Variants in AFF3 observed in about 807,000 individuals in gnomAD.
The protein encoded by AFF3 is ALF transcription elongation factor 3, also known as AF4/FMR2 family member 3.
A neutral mutation model predicts 129.7 loss-of-function variants in AFF3; 32 were observed. The ratio of observed to expected loss-of-function variants is 0.25; its 90% CI spans 0.19 to 0.33. The LOEUF (loss-of-function observed/expected upper bound fraction) is 0.33. Ranked by LOEUF, AFF3 falls within the 10% of genes least tolerant of loss-of-function variation. The pLI is 1.00. For missense variants in AFF3, 1,373 were observed against 1,592.0 expected (o/e 0.86, Z 2.34); for synonymous variants, 644 against 635.4 (o/e 1.01, Z -0.20).
chr2:99,750,532 C>G (rs1016140982), intron 9 of AFF3, among the ~76,000 whole-genome samples: 1 of 151,412 alleles, frequency 6.6e-6, no homozygotes, highest in Non-Finnish European at 1.5e-5. Context: ...CTCCTGCTAC[C>G]TCAGCGTCCC....
chr2:99,986,109 G>T (rs763760499), intron 7 of AFF3, among the ~76,000 whole-genome samples: 1 of 151,504 alleles, frequency 6.6e-6, no homozygotes, highest in Non-Finnish European at 1.5e-5. Context: ...GCTGAAGCAG[G>T]AGAATGGTGT....
intron 7 of AFF3, among the ~76,000 whole-genome samples, chr2:99,900,938 C>T (rs755757835): frequency 1.3e-5 from 2 of 152,224 alleles, no homozygotes; most frequent in African/African-American, 4.8e-5. Context: ...TCATTTTCCT[C>T]CTTCTCCTAA....
intron 7 of AFF3, among the ~76,000 whole-genome samples, chr2:99,988,751 G>A (rs1394995777): frequency 1.3e-5 from 2 of 152,154 alleles, no homozygotes; most frequent in Non-Finnish European, 2.9e-5. Flanking sequence ...ACTGGGTTCT[G>A]TAGAACACAT....
intron 7 of AFF3, among the ~76,000 whole-genome samples, chr2:100,002,643 G>T (rs975991597): frequency 2.0e-5 from 3 of 152,122 alleles, no homozygotes; most frequent in Non-Finnish European, 4.4e-5. Context: ...CCTTACCACT[G>T]ACTAAGCTAT....
At chr2:99,640,408 A>G (rs1306213121) in intron 13 of AFF3, among the ~76,000 whole-genome samples, 5 of 152,132 alleles carry the variant, frequency 3.3e-5, no homozygotes, top group African/African-American at 9.7e-5. Flanking sequence ...CGCCTCTTCT[A>G]TTCATCACCT....
chr2:99,997,487 G>A (rs1358483955), intron 7 of AFF3, among the ~76,000 whole-genome samples: 1 of 141,266 alleles, frequency 7.1e-6, no homozygotes, highest in African/African-American at 2.8e-5. Flanking sequence ...CCCCCCCCCA[G>A]ATTAGCACAA....
rs997983151 is a variant in AFF3, at chr2:99,791,098, C to T, written c.922-38797G>A. On this transcript the variant is annotated intron_variant, in intron 8 of 24. Coordinates refer to ENST00000672756, the MANE Select transcript of AFF3 (RefSeq NM_001386135.1). ...GGTGATGTTCTAGAACTGGCCATGC[C>T]GAACTAGGCTATACAGACCACAGGC... 2.0e-5 allele frequency among the ~76,000 whole-genome samples: 3 copies of T among 152,102 alleles called. No homozygotes were observed. The South Asian group carries it at 6.2e-4, about 31-fold the overall frequency.
intron 2 of AFF3, among the ~76,000 whole-genome samples, chr2:100,127,978 C>T (rs181606853): frequency 3.0e-4 from 45 of 152,234 alleles, no homozygotes; most frequent in African/African-American, 8.4e-4. Context: ...GTAAAGAAGC[C>T]GGCTAAATCC....
Position 99,684,062 on chromosome 2 carries a change from G to A in AFF3, c.1092-11473C>T, listed in dbSNP as rs559699773. Among the ~76,000 whole-genome samples the A allele has an allele frequency of 3.7e-4, 57 of 152,192 alleles. 1 individual carries two copies. Among genetic ancestry groups the A allele is most frequent in the African/African-American group, 1.1e-3 (45 of 41,516 alleles). ...CACAGTCCACTCTACAGGCTCTATC[G>A]GCATGGACTGTAGGGGGAGAATGAC... On this transcript the variant is annotated intron_variant, in intron 11 of 24. Coordinates refer to ENST00000672756, the MANE Select transcript of AFF3 (RefSeq NM_001386135.1).
intron 8 of AFF3, among the ~76,000 whole-genome samples, chr2:99,832,825 A>G (rs1688602148): frequency 6.6e-6 from 1 of 152,166 alleles, no homozygotes; most frequent in Non-Finnish European, 1.5e-5. Context: ...AATGGGATAT[A>G]TTAATGGCGC....
chr2:99,669,295 A>G (rs1289256666), intron 12 of AFF3, among the ~76,000 whole-genome samples: 1 of 152,160 alleles, frequency 6.6e-6, no homozygotes, highest in Admixed American at 6.5e-5. Flanking sequence ...CTACTCCCCG[A>G]CCCCTGCCAA....
At position 100,041,635 on chromosome 2, in the gene AFF3, A is replaced by C. The variant is rs184314150; in HGVS notation, c.54-32703T>G. On this transcript the variant is annotated intron_variant, in intron 4 of 24. Coordinates refer to ENST00000672756, the MANE Select transcript of AFF3 (RefSeq NM_001386135.1). ...CCACAGGGGATATACAGTCAAAATT[A>C]AGAGGAGACCCTGAGCTAAAACTGG... Among the ~76,000 whole-genome samples the C allele has an allele frequency of 4.7e-3, 721 of 152,312 alleles. 5 individuals are homozygous for C. The highest frequency in any genetic ancestry group is 7.8e-3 in the Admixed American group (120 of 15,298).
chr2:99,869,281 C>T (rs1691678301), intron 7 of AFF3, among the ~76,000 whole-genome samples: 1 of 152,306 alleles, frequency 6.6e-6, no homozygotes, highest in Admixed American at 6.5e-5. Flanking sequence ...AAATACCCAA[C>T]AGCATTTATC....
rs571349063 is a variant in AFF3 at position 99,562,866 on chromosome 2, T to C, written c.3120-2430A>G. Among the ~76,000 whole-genome samples, 17 of 152,276 alleles carry C rather than the reference T, an allele frequency of 1.1e-4. No individual in the cohort carries two copies. The South Asian group carries it at 3.3e-3, about 30-fold the overall frequency. Reference sequence around the variant, plus strand: ...AATTTTCAGAGCCTTTCTGATACTATTTTAGTCTGTGTGGTTGATCTGGTG... The same window carrying C: ...AATTTTCAGAGCCTTTCTGATACTACTTTAGTCTGTGTGGTTGATCTGGTG... On this transcript the variant is annotated intron_variant, in intron 20 of 24. Coordinates refer to ENST00000672756, the MANE Select transcript of AFF3 (RefSeq NM_001386135.1).
intron 17 of AFF3, among the ~76,000 whole-genome samples, chr2:99,582,345 G>GGGT (rs796134597): frequency 2.0e-5 from 3 of 152,266 alleles, no homozygotes; most frequent in African/African-American, 7.2e-5. Flanking sequence ...ACTGGAAAAG[G>GGGT]GGTGGTGGTG....
chr2:99,699,498 A>G lies in AFF3; in HGVS notation c.1092-26909T>C, dbSNP rs77904981. Among the ~76,000 whole-genome samples, 214 of 152,342 alleles carry G rather than the reference A, an allele frequency of 1.4e-3. 11 individuals are homozygous for G. The East Asian group carries it at 0.028, about 20-fold the overall frequency. On this transcript the variant is annotated intron_variant, in intron 11 of 24. Coordinates refer to ENST00000672756, the MANE Select transcript of AFF3 (RefSeq NM_001386135.1). ...ATTCTCTCATCTTCTGCTGTAGTTAATGATATCTTCCTAAACCTGCATTAA... is the reference window on the plus strand; with the variant it reads ...ATTCTCTCATCTTCTGCTGTAGTTAGTGATATCTTCCTAAACCTGCATTAA...
chr2:100,006,338 A>G (rs1681968240), intron 7 of AFF3: 1 of 281,158 alleles, frequency 3.6e-6, no homozygotes, highest in African/African-American at 2.2e-5. Flanking sequence ...AGTGAACACT[A>G]GCTATTCAGA....
At chr2:100,103,439 A>T (rs1219881611) in intron 4 of AFF3, among the ~76,000 whole-genome samples, 1 of 150,680 alleles carries the variant, frequency 6.6e-6, no homozygotes, top group Non-Finnish European at 1.5e-5. Context: ...ACATAACACA[A>T]GTTCCTCCAG....
chr2:99,781,105 T>C (rs1427685728), intron 8 of AFF3, among the ~76,000 whole-genome samples: 1 of 152,192 alleles, frequency 6.6e-6, no homozygotes, highest in African/African-American at 2.4e-5. Flanking sequence ...CTACTTTAGT[T>C]ACAATGATTT....
Sources: gnomAD v4.1 joint callset for allele counts (sites outside exome capture counted in the v4.1 genomes callset) on GRCh38, gnomAD v4.1.1 for gene constraint, MANE v1.5 for transcripts, NCBI Gene and HGNC (gene_info 2026-07-23, HGNC 2026-07-21) for gene names.